The following SGCD variants were observed in gnomAD, a reference collection of about 807,000 sequenced individuals.
SGCD encodes sarcoglycan delta, also known as delta-sarcoglycan.
In SGCD, 18 loss-of-function variants were observed where a neutral mutation model predicts 36.6. The observed-to-expected ratio is 0.49, with a 90% CI of 0.34 to 0.73. SGCD has a LOEUF of 0.73. Among genes scored for constraint, SGCD ranks in the 30% least tolerant of loss-of-function variants. The probability of loss-of-function intolerance (pLI) is 0.01; values close to 1 mark genes in which losing one functional copy is unlikely to be tolerated. For missense variants in SGCD, 387 were observed against 346.7 expected, an observed-to-expected ratio of 1.12 and a Z score of -0.92; for synonymous variants, 133 against 130.6, an observed-to-expected ratio of 1.02 and a Z score of -0.12.
chr5:156,223,327 G>A (rs765684063), intron 3 of SGCD, among the ~76,000 whole-genome samples: 5 of 152,042 alleles, frequency 3.3e-5, no homozygotes, highest in Admixed American at 6.6e-5. Flanking sequence ...CAGGTGAGTG[G>A]TCAGAGTTAT....
intron 4 of SGCD, among the ~76,000 whole-genome samples, chr5:156,565,737 C>T (rs916348479): frequency 1.3e-5 from 2 of 152,092 alleles, no homozygotes; most frequent in African/African-American, 4.8e-5. Flanking sequence ...TGATGTTCCC[C>T]TTCCTGTGTC....
chr5:156,259,015 T>A (rs1178689390), intron 3 of SGCD, among the ~76,000 whole-genome samples: 2 of 152,064 alleles, frequency 1.3e-5, no homozygotes, highest in East Asian at 3.8e-4. Context: ...GAAACACTTA[T>A]AAGAAACTGG....
intron 1 of SGCD, among the ~76,000 whole-genome samples, chr5:156,018,924 C>A (rs1293232631): frequency 3.9e-5 from 6 of 152,094 alleles, no homozygotes; most frequent in Non-Finnish European, 8.8e-5. Flanking sequence ...AAATTTTAAC[C>A]ATGTAATTTT....
chr5:156,142,094 A>T (rs1762595418), intron 3 of SGCD, among the ~76,000 whole-genome samples: 1 of 152,180 alleles, frequency 6.6e-6, no homozygotes, highest in Admixed American at 6.5e-5. Context: ...TGGTATTGTT[A>T]TCATGATAGT....
chr5:156,082,332 G>T (rs1760977086), intron 1 of SGCD, among the ~76,000 whole-genome samples: 2 of 151,982 alleles, frequency 1.3e-5, no homozygotes, highest in African/African-American at 4.8e-5. Context: ...GACTTCCTCA[G>T]TTCTGTATGT....
intron 1 of SGCD, among the ~76,000 whole-genome samples, chr5:155,881,905 A>T (rs1055220653): frequency 6.6e-6 from 1 of 152,174 alleles, no homozygotes; most frequent in African/African-American, 2.4e-5. Flanking sequence ...TTGAAGTTTT[A>T]TCATGAGACT....
chr5:156,081,695 T>C (rs1323185125), intron 1 of SGCD, among the ~76,000 whole-genome samples: 1 of 152,160 alleles, frequency 6.6e-6, no homozygotes, highest in Admixed American at 6.5e-5. Flanking sequence ...TGCCCAACCA[T>C]GTTCCCTTTT....
intron 1 of SGCD, among the ~76,000 whole-genome samples, chr5:155,920,053 A>G (rs62380666): frequency 0.01 from 1,525 of 152,216 alleles, 12 homozygotes; most frequent in Non-Finnish European, 0.016. Context: ...AGAACCCTAG[A>G]TGCGATTATT....
At chr5:156,106,146 A>G (rs1287114371) in intron 1 of SGCD, among the ~76,000 whole-genome samples, 8 of 146,392 alleles carry the variant, frequency 5.5e-5, no homozygotes, top group Non-Finnish European at 1.1e-4. Context: ...AAAAGAAAGC[A>G]GGAGAATAAT....
At chr5:156,103,277 A>G (rs1761564405) in intron 1 of SGCD, among the ~76,000 whole-genome samples, 1 of 152,142 alleles carries the variant, frequency 6.6e-6, no homozygotes, top group Admixed American at 6.6e-5. Context: ...AGATTGGCCC[A>G]TGGGGTGCCA....
chr5:155,928,632 C>T lies in SGCD; in HGVS notation c.-282+58208C>T, dbSNP rs180997926. ...TCAGTGAGCCGAGATCGCACCACTG[C>T]ACTCCAGCCTGCTGACAGAGTGAGA... On this transcript the variant is annotated intron_variant, in intron 1 of 9. Transcript: ENST00000517913. 2.1e-3 allele frequency among the ~76,000 whole-genome samples: 295 copies of T among 137,538 alleles called. 1 individual carries two copies. The highest frequency in any genetic ancestry group is 7.2e-3 in the African/African-American group (264 of 36,500). The allele number at this position is 137,538 out of a possible 152,430, so 90.2% of individuals were successfully genotyped here. A position where few individuals can be genotyped will look rare whatever the true frequency, so the allele number is the denominator to read the frequency against.
intron 1 of SGCD, among the ~76,000 whole-genome samples, chr5:156,090,872 T>A (rs570933131): frequency 6.6e-6 from 1 of 152,334 alleles, no homozygotes; most frequent in African/African-American, 2.4e-5. Flanking sequence ...ACACGTCTGT[T>A]TATAGGCTCC....
At chr5:155,961,201 G>T (rs901358001) in intron 1 of SGCD, among the ~76,000 whole-genome samples, 3 of 151,912 alleles carry the variant, frequency 2.0e-5, no homozygotes, top group Non-Finnish European at 4.4e-5. Flanking sequence ...AATATCTGTA[G>T]AATTATACCC....
chr5:156,668,934 G>A (rs1242664402), intron 7 of SGCD, among the ~76,000 whole-genome samples: 1 of 152,120 alleles, frequency 6.6e-6, no homozygotes, highest in Admixed American at 6.5e-5. Context: ...TTGCAAGGTG[G>A]TCCCATACCA....
intron 2 of SGCD, among the ~76,000 whole-genome samples, chr5:156,122,602 G>A (rs940858956): frequency 3.3e-5 from 5 of 151,662 alleles, no homozygotes; most frequent in Non-Finnish European, 5.9e-5. Context: ...AAATGAGGGG[G>A]AAAAGAGTGG....
intron 1 of SGCD, among the ~76,000 whole-genome samples, chr5:155,911,265 G>T (rs1023991298): frequency 6.6e-6 from 1 of 150,460 alleles, no homozygotes; most frequent in Non-Finnish European, 1.5e-5. Context: ...ATTTATATAA[G>T]ATTATCTAAC....
intron 7 of SGCD, among the ~76,000 whole-genome samples, chr5:156,742,171 C>T (rs995261011): frequency 5.9e-5 from 9 of 152,132 alleles, no homozygotes; most frequent in East Asian, 1.9e-4. Context: ...CCACCGTGCC[C>T]GGCCTCAGGT....
chr5:155,962,858 T>C (rs1757819933), intron 1 of SGCD, among the ~76,000 whole-genome samples: 1 of 152,168 alleles, frequency 6.6e-6, no homozygotes, highest in Non-Finnish European at 1.5e-5. Flanking sequence ...GTTGAAATCA[T>C]AAGCTGTCCT....
At chr5:156,612,057 A>C (rs1180361454) in intron 6 of SGCD, among the ~76,000 whole-genome samples, 1 of 152,168 alleles carries the variant, frequency 6.6e-6, no homozygotes, top group Non-Finnish European at 1.5e-5. Flanking sequence ...ATTCCTTTTC[A>C]GGAATTCTAT....
Sources: gnomAD v4.1 joint callset for allele counts (sites outside exome capture counted in the v4.1 genomes callset) on GRCh38, gnomAD v4.1.1 for gene constraint, MANE v1.5 for transcripts, NCBI Gene and HGNC (gene_info 2026-07-23, HGNC 2026-07-21) for gene names.